The following NRCAM variants were observed in gnomAD, a reference collection of about 807,000 sequenced individuals.
The protein encoded by NRCAM is NgCAM-related cell adhesion molecule.
A neutral mutation model predicts 156.5 loss-of-function variants in NRCAM; 83 were observed. That is an observed-to-expected ratio of 0.53 (90% confidence interval 0.44 to 0.64). The LOEUF (loss-of-function observed/expected upper bound fraction) is 0.64. Among genes scored for constraint, NRCAM ranks in the 30% least tolerant of loss-of-function variants. The pLI is 0.00. For missense variants in NRCAM, 1,417 were observed against 1,597.3 expected (o/e 0.89, Z 1.92); for synonymous variants, 538 against 563.9 (o/e 0.95, Z 0.65).
intron 2 of NRCAM, among the ~76,000 whole-genome samples, chr7:108,369,328 C>T (rs1288254256): frequency 6.6e-6 from 1 of 151,972 alleles, no homozygotes; most frequent in East Asian, 1.9e-4. Context: ...CAAATTTGTA[C>T]ATTTATCAGA....
At chr7:108,269,823 TG>T (rs1174342733) in intron 3 of NRCAM, among the ~76,000 whole-genome samples, 2 of 152,224 alleles carry the variant, frequency 1.3e-5, no homozygotes, top group African/African-American at 4.8e-5. Context: ...TATTTCATCC[TG>T]TAGCTACAGG....
At position 108,178,033 on chromosome 7, in the gene NRCAM, G is replaced by A. The variant is rs1414512034; in HGVS notation, c.2931C>T (p.His977=). Residue 977 remains histidine, a synonymous_variant, in exon 26 of 33, where the codon CAC becomes CAT. Coordinates refer to ENST00000379028, the MANE Select transcript of NRCAM (RefSeq NM_001037132.4). ...SLTLEWDPPS[H]PNGILTEYTL... Reference sequence around the variant, plus strand: ...TGTACTCTGTCAAAATGCCATTCGGGTGGCTCGGTGGATCCCATTCCAAAG... The same window carrying A: ...TGTACTCTGTCAAAATGCCATTCGGATGGCTCGGTGGATCCCATTCCAAAG... 4.3e-6 allele frequency: 7 copies of A among 1,613,402 alleles called. No individual in the cohort carries two copies. The African/African-American group carries it at 9.3e-5, about 22-fold the overall frequency.
rs185375845 is a variant in NRCAM, at chr7:108,422,745, C to G, written c.-331-23152G>C. Among the ~76,000 whole-genome samples, 168 of 152,284 alleles carry G rather than the reference C, an allele frequency of 1.1e-3. 2 individuals carry two copies. Among genetic ancestry groups the G allele is most frequent in the Admixed American group, 2.2e-3 (34 of 15,292 alleles). On this transcript the variant is annotated intron_variant, in intron 1 of 32. Coordinates refer to ENST00000379028, the MANE Select transcript of NRCAM (RefSeq NM_001037132.4). ...AGGTGCTTAATAAAATTTCACTGAA[C>G]ATGTAACAATATTTTCCTTTCTAAA...
At chr7:108,358,578 A>G (rs1054150515) in intron 2 of NRCAM, among the ~76,000 whole-genome samples, 1 of 152,038 alleles carries the variant, frequency 6.6e-6, no homozygotes, top group African/African-American at 2.4e-5. Context: ...ACAGATTCCC[A>G]TGACTGGTAA....
intron 2 of NRCAM, among the ~76,000 whole-genome samples, chr7:108,370,443 T>A (rs1008175662): frequency 6.6e-6 from 1 of 152,132 alleles, no homozygotes; most frequent in South Asian, 2.1e-4. Flanking sequence ...AAAAAGGTCA[T>A]TTCCAAAAAT....
At chr7:108,230,636 A>C (rs1208801982) in intron 8 of NRCAM, among the ~76,000 whole-genome samples, 1 of 151,716 alleles carries the variant, frequency 6.6e-6, no homozygotes, top group Non-Finnish European at 1.5e-5. Context: ...CTCCTTCCTT[A>C]GGGGCTAGCA....
rs114416366 is a variant in NRCAM, at chr7:108,264,983, C to T, written c.-106-24813G>A. ...TGTCCTCACATTTGTGTAAGAGGAG[C>T]CGAGACATCTGGATGTGAAGCCCCA... On this transcript the variant is annotated intron_variant, in intron 3 of 32. Transcript: ENST00000379028. Among the ~76,000 whole-genome samples the T allele has an allele frequency of 6.2e-3, 944 of 152,292 alleles. 8 individuals carry two copies. The highest frequency in any genetic ancestry group is 0.022 in the African/African-American group (894 of 41,560).
chr7:108,361,251 GAC>G (rs1352749686), intron 2 of NRCAM, among the ~76,000 whole-genome samples: 2 of 152,186 alleles, frequency 1.3e-5, no homozygotes, highest in African/African-American at 4.8e-5. Flanking sequence ...TGGTGAAGAT[GAC>G]ACAGTTTGGC....
chr7:108,373,007 G>C (rs773973200), intron 2 of NRCAM, among the ~76,000 whole-genome samples: 8 of 151,984 alleles, frequency 5.3e-5, no homozygotes, highest in Non-Finnish European at 1.0e-4. Flanking sequence ...GTGGAATACT[G>C]TTCAGCCTTA....
At chr7:108,261,239 G>A (rs2096877271) in intron 3 of NRCAM, among the ~76,000 whole-genome samples, 1 of 152,054 alleles carries the variant, frequency 6.6e-6, no homozygotes, top group Admixed American at 6.6e-5. Flanking sequence ...ACCCACTTAA[G>A]ACCCAGGTAA....
intron 3 of NRCAM, among the ~76,000 whole-genome samples, chr7:108,272,782 T>C (rs975295042): frequency 5.9e-5 from 9 of 152,122 alleles, no homozygotes; most frequent in African/African-American, 1.7e-4. Flanking sequence ...CTTTAAGTTC[T>C]AGGGTACATG....
intron 5 of NRCAM, 49 bp downstream of exon 5, chr7:108,237,703 A>T: frequency 6.9e-7 from 1 of 1,450,972 alleles, no homozygotes. Flanking sequence ...AAAAGCAAAG[A>T]CATGGTCACA....
intron 2 of NRCAM, among the ~76,000 whole-genome samples, chr7:108,332,380 T>C (rs2099135661): frequency 6.6e-6 from 1 of 152,240 alleles, no homozygotes; most frequent in African/African-American, 2.4e-5. Context: ...TTACTTTCTG[T>C]ATCTGGGCAC....
chr7:108,396,493 A>G (rs1288158465), intron 2 of NRCAM, among the ~76,000 whole-genome samples: 1 of 152,260 alleles, frequency 6.6e-6, no homozygotes, highest in African/African-American at 2.4e-5. Flanking sequence ...TTGCAATGTA[A>G]TTGACCAAAT....
intron 2 of NRCAM, among the ~76,000 whole-genome samples, chr7:108,360,294 C>T (rs1276318254): frequency 6.6e-6 from 1 of 152,116 alleles, no homozygotes; most frequent in Non-Finnish European, 1.5e-5. Context: ...AAAATCTCTG[C>T]AAGGCCTAGG....
At chr7:108,436,364 A>G (rs1832218640) in intron 1 of NRCAM, among the ~76,000 whole-genome samples, 1 of 152,192 alleles carries the variant, frequency 6.6e-6, no homozygotes, top group African/African-American at 2.4e-5. Flanking sequence ...TATTGATTAG[A>G]TATTCTAATA....
intron 15 of NRCAM, 59 bp downstream of exon 15, chr7:108,195,702 A>T (rs2074651669): frequency 1.1e-6 from 1 of 908,594 alleles, no homozygotes; most frequent in South Asian, 1.4e-5. Flanking sequence ...ACATATTTAG[A>T]ATATGAAGCC....
rs1396682274 is a variant in NRCAM at position 108,178,008 on chromosome 7, T to C, written c.2956A>G (p.Thr986Ala). ...AGCTTACTTGGCTGATACTTTAAGGTGTACTCTGTCAAAATGCCATTCGGG... is the reference window on the plus strand; with the variant it reads ...AGCTTACTTGGCTGATACTTTAAGGCGTACTCTGTCAAAATGCCATTCGGG... ...SHPNGILTEY[T>A]LKYQPINSTH... Residue 986 changes from threonine to alanine, a missense_variant, in exon 26 of 33, where the codon ACC becomes GCC. Around this residue, in one of 2 missense-constraint regions of NRCAM, gnomAD observed 1,238 missense variants for 1,336.4 expected, o/e 0.93. Transcript: ENST00000379028. The C allele has an allele frequency of 1.2e-6, 2 of 1,613,042 alleles. No homozygotes were observed. The highest frequency in any genetic ancestry group is 1.3e-5 in the African/African-American group (1 of 74,914).
At position 108,160,351 on chromosome 7, in the gene NRCAM, T is replaced by G. The variant is rs1585350475; in HGVS notation, c.3598+10A>C. ...AGCATTATAAAGCAATTTTAATCTT[T>G]CTTTCTTACCTGGATATTTACCACC... On this transcript the variant is annotated intron_variant, in intron 31 of 32. Coordinates refer to ENST00000379028, the MANE Select transcript of NRCAM (RefSeq NM_001037132.4). 1 of 1,611,556 alleles carries G rather than the reference T, an allele frequency of 6.2e-7. No homozygotes were observed. Among genetic ancestry groups the G allele is most frequent in the South Asian group, 1.1e-5 (1 of 90,846 alleles).
Sources: gnomAD v4.1 joint callset for allele counts (sites outside exome capture counted in the v4.1 genomes callset) on GRCh38, gnomAD v4.1.1 for gene constraint, gnomAD v4.1.1 regional missense constraint, MANE v1.5 for transcripts, NCBI Gene and HGNC (gene_info 2026-07-23, HGNC 2026-07-21) for gene names.